The following DDIAS variants were observed in gnomAD, a reference collection of about 807,000 sequenced individuals.
The protein encoded by DDIAS is DNA damage induced apoptosis suppressor.
A neutral mutation model predicts 15.7 loss-of-function variants in DDIAS; 14 were observed. The observed-to-expected ratio is 0.89, with a 90% CI of 0.59 to 1.39. The LOEUF (loss-of-function observed/expected upper bound fraction) is 1.39. Among genes scored for constraint, DDIAS ranks in the 40% most tolerant of loss-of-function variants. The probability of loss-of-function intolerance (pLI) is 0.00; values close to 1 mark genes in which losing one functional copy is unlikely to be tolerated. For synonymous variants in DDIAS, 355 were observed against 395.9 expected (o/e 0.90, Z 1.23); for missense variants, 1,035 against 1,130.9 (o/e 0.92, Z 1.22).
chr11:82,909,986 C>G (rs1268715842), intron 1 of DDIAS, among the ~76,000 whole-genome samples: 2 of 152,020 alleles, frequency 1.3e-5, no homozygotes, highest in African/African-American at 4.8e-5. Context: ...TTAACATCTC[C>G]CTTCCATAGT....
At chr11:82,921,384 G>A (rs1412068846) in intron 3 of DDIAS, among the ~76,000 whole-genome samples, 1 of 152,006 alleles carries the variant, frequency 6.6e-6, no homozygotes. Flanking sequence ...ATTGAGATTT[G>A]AGGTACCATT....
chr11:82,929,703 C>CAAAA (rs35770177), intron 4 of DDIAS, among the ~76,000 whole-genome samples: 4 of 86,368 alleles, frequency 4.6e-5, no homozygotes, highest in African/African-American at 2.0e-4. Flanking sequence ...GACTCTGTCT[C>CAAAA]AAAAAAAAAA....
At chr11:82,926,298 A>G (rs1860861276) in intron 3 of DDIAS, among the ~76,000 whole-genome samples, 2 of 151,990 alleles carry the variant, frequency 1.3e-5, no homozygotes, top group East Asian at 1.9e-4. Context: ...CATGTTTCCC[A>G]GGCTGGACTC....
rs748258569 is a variant in DDIAS at position 82,932,976 on chromosome 11, A to G, written c.1638A>G (p.Ser546=). The G allele has an allele frequency of 1.9e-6, 3 of 1,612,256 alleles. No homozygotes were observed. Among genetic ancestry groups the G allele is most frequent in the Non-Finnish European group, 2.5e-6 (3 of 1,179,630 alleles). The change falls in exon 6 of 6, where the codon TCA becomes TCG. Residue 546 remains serine, a synonymous_variant. Coordinates refer to ENST00000533655, the MANE Select transcript of DDIAS (RefSeq NM_145018.4). ...ACCTGTCAGCTCTGTCTTCATCTTC[A>G]AAAGATTTAGAAACAATAGTTACTC... ...NPYLSALSSS[S]KDLETIVTLK... is the part of the protein sequence containing the mutation.
Position 82,932,617 on chromosome 11 carries a change from G to A in DDIAS, c.1279G>A (p.Ala427Thr). ...PFSESLNKFL[A>T]VLESEIAVTQ... is the part of the protein sequence containing the mutation. The stretch of plus-strand genomic sequence containing the variant: ...CTCTGAAAGCCTGAACAAGTTTCTG[G>A]CAGTTCTTGAAAGTGAGATTGCTGT... The change falls in exon 6 of 6, where the codon GCA becomes ACA. Residue 427 changes from alanine to threonine, a missense_variant. Physicochemically the swap from Ala to Thr is moderately conservative, Grantham distance 58. Coordinates refer to ENST00000533655, the MANE Select transcript of DDIAS (RefSeq NM_145018.4). The A allele has an allele frequency of 6.2e-7, 1 of 1,614,126 alleles. No homozygotes were observed. The highest frequency in any genetic ancestry group is 8.5e-7 in the Non-Finnish European group (1 of 1,180,032).
rs1375756839 is a variant in DDIAS, at chr11:82,932,933, A to AT, written c.1601dup (p.Leu534PhefsTer23). The AT allele has an allele frequency of 1.2e-6, 2 of 1,611,888 alleles. No homozygotes were observed. The highest frequency in any genetic ancestry group is 1.7e-6 in the Non-Finnish European group (2 of 1,178,810). ...CATAATGGAAGAGATATGTCAGAAT[A>AT]TTTTTTACCGAATCCTTACCTGTCA... On this transcript the variant is annotated frameshift_variant, in exon 6 of 6. Coordinates refer to ENST00000533655, the MANE Select transcript of DDIAS (RefSeq NM_145018.4). LOFTEE classifies it low-confidence loss of function (END_TRUNC).
intron 5 of DDIAS, among the ~76,000 whole-genome samples, chr11:82,931,313 G>A (rs1345640060): frequency 6.6e-6 from 1 of 152,048 alleles, no homozygotes; most frequent in East Asian, 1.9e-4. Flanking sequence ...TTGGGGGATG[G>A]AGGTAATAGT....
Position 82,933,496 on chromosome 11 carries a change from C to T in DDIAS, c.2158C>T (p.Leu720=), listed in dbSNP as rs753986129. 2.5e-6 allele frequency: 4 copies of T among 1,613,972 alleles called. No homozygotes were observed. The South Asian group carries it at 3.3e-5, about 13-fold the overall frequency. Residue 720 remains leucine, a synonymous_variant, in exon 6 of 6, where the codon CTG becomes TTG. Coordinates refer to ENST00000533655, the MANE Select transcript of DDIAS (RefSeq NM_145018.4). ...TCACCCTTCAGAGTCTGATTTTTCA[C>T]TGAGATCACTTTCTGAAGACTTCAT... ...ESHPSESDFS[L]RSLSEDFIQP...
At chr11:82,910,602 CTCTCTTTTTTTT>C (rs1476100952) in intron 1 of DDIAS, among the ~76,000 whole-genome samples, 21 of 129,136 alleles carry the variant, frequency 1.6e-4, no homozygotes, top group Admixed American at 4.3e-4. Flanking sequence ...TTCTCTCTCT[CTCTCTTTTTTTT>C]TTTTTTTTTT....
intron 1 of DDIAS, among the ~76,000 whole-genome samples, chr11:82,911,642 C>T (rs1195869768): frequency 6.6e-6 from 1 of 152,226 alleles, no homozygotes; most frequent in African/African-American, 2.4e-5. Context: ...CAGCTTCTTC[C>T]AAACTCCAAT....
intron 3 of DDIAS, among the ~76,000 whole-genome samples, chr11:82,916,470 C>T (rs1860634366): frequency 6.6e-6 from 1 of 151,728 alleles, no homozygotes; most frequent in South Asian, 2.1e-4. Flanking sequence ...GTAATATCTG[C>T]CTAATAAGGT....
chr11:82,930,289 C>T lies in DDIAS; in HGVS notation c.393+15C>T. On this transcript the variant is annotated intron_variant, in intron 5 of 5. Coordinates refer to ENST00000533655, the MANE Select transcript of DDIAS (RefSeq NM_145018.4). ...TTGGAGTGACGGTAATTGAGACTAG[C>T]TTTCTTTTTAATAATCTGTTAACAT... The T allele has an allele frequency of 6.9e-7, 1 of 1,447,326 alleles. No individual in the cohort carries two copies. The highest frequency in any genetic ancestry group is 9.6e-7 in the Non-Finnish European group (1 of 1,043,558). The allele number at this position is 1,447,326 out of a possible 1,614,324, so 89.7% of individuals were successfully genotyped here. A position where few individuals can be genotyped will look rare whatever the true frequency, so the allele number is the denominator to read the frequency against.
intron 1 of DDIAS, among the ~76,000 whole-genome samples, chr11:82,905,330 A>G (rs1260358565): frequency 6.6e-6 from 1 of 152,154 alleles, no homozygotes; most frequent in Admixed American, 6.5e-5. Context: ...TTCTTTGTAT[A>G]TTATTGCTAA....
intron 5 of DDIAS, 55 bp downstream of exon 5, chr11:82,930,329 A>G: frequency 8.0e-7 from 1 of 1,252,690 alleles, no homozygotes; most frequent in Non-Finnish European, 1.1e-6. Context: ...ATTGTAATGA[A>G]TTATGTGAAT....
intron 1 of DDIAS, among the ~76,000 whole-genome samples, chr11:82,902,634 T>C (rs1860344469): frequency 6.6e-6 from 1 of 152,204 alleles, no homozygotes; most frequent in Non-Finnish European, 1.5e-5. Context: ...TCCAGCCATA[T>C]AGAATGTCTT....
At position 82,929,597 on chromosome 11, in the gene DDIAS, G is replaced by A. The variant is rs112751318; in HGVS notation, c.276-560G>A. Among the ~76,000 whole-genome samples the A allele has an allele frequency of 2.5e-3, 381 of 152,014 alleles. 4 individuals carry two copies. Among genetic ancestry groups the A allele is most frequent in the African/African-American group, 8.6e-3 (356 of 41,436 alleles). On this transcript the variant is annotated intron_variant, in intron 4 of 5. Transcript: ENST00000533655. ...GGGCGCCTGTAGTCCCAGCTACGCC[G>A]GGAGGCTGAGGCAGGAGAATGGCAT...
rs1861054321 is a variant in DDIAS at position 82,933,734 on chromosome 11, C to T, written c.2396C>T (p.Ser799Leu). The change falls in exon 6 of 6, where the codon TCA (serine) becomes TTA (leucine). Residue 799 changes from serine (S) to leucine (L), a missense_variant. Physicochemically the swap from Ser to Leu is moderately radical, Grantham distance 145. Coordinates refer to ENST00000533655, the MANE Select transcript of DDIAS (RefSeq NM_145018.4). ...NRAFKKPVFY[S>L]DLDGNYEKIR... ...GCTTTCAAAAAACCTGTATTTTATT[C>T]AGATCTTGATGGTAACTATGAAAAA... 4 of 1,612,948 alleles carry T rather than the reference C, an allele frequency of 2.5e-6. No homozygotes were observed. The Admixed American group carries it at 6.7e-5, about 27-fold the overall frequency.
At chr11:82,912,973 C>A (rs1225654493) in intron 1 of DDIAS, among the ~76,000 whole-genome samples, 1 of 152,120 alleles carries the variant, frequency 6.6e-6, no homozygotes, top group Non-Finnish European at 1.5e-5. Flanking sequence ...AGATTAAATT[C>A]ATCTTATATA....
rs745322465 is a variant in DDIAS, at chr11:82,932,271, G to A, written c.933G>A (p.Leu311=). The A allele has an allele frequency of 5.6e-6, 9 of 1,613,648 alleles. No individual in the cohort carries two copies. Among genetic ancestry groups the A allele is most frequent in the Non-Finnish European group, 7.6e-6 (9 of 1,179,736 alleles). ...YMDKKSTAEK[L]GKELGLQAKE... is the part of the protein sequence containing the mutation. ...ATAAAAAGAGTACAGCAGAAAAGTT[G>A]GGTAAAGAACTTGGCTTACAAGCTA... The change falls in exon 6 of 6, where the codon TTG becomes TTA. Residue 311 remains leucine (L), a synonymous_variant. Transcript: ENST00000533655.
Sources: gnomAD v4.1 joint callset for allele counts (sites outside exome capture counted in the v4.1 genomes callset) on GRCh38, gnomAD v4.1.1 for gene constraint, MANE v1.5 for transcripts, NCBI Gene and HGNC (gene_info 2026-07-23, HGNC 2026-07-21) for gene names.